DNAJB4: variants seen among roughly 807,000 people sequenced by gnomAD.
DNAJB4 encodes DnaJ heat shock protein family (Hsp40) member B4, also known as dnaJ homolog subfamily B member 4.
Under a neutral mutation model 26.6 loss-of-function variants are expected in DNAJB4, and 10 were observed. That is an observed-to-expected ratio of 0.38 (90% CI 0.23 to 0.64). The LOEUF is 0.64. DNAJB4 is among the 30% of genes least tolerant of loss of function. The probability of loss-of-function intolerance (pLI) is 0.58; values close to 1 mark genes in which losing one functional copy is unlikely to be tolerated. For synonymous variants in DNAJB4, 136 were observed against 134.8 expected (o/e 1.01, Z -0.06); for missense variants, 328 against 408.2 (o/e 0.80, Z 1.69).
At chr1:77,993,346 G>A (rs946454599) in intron 1 of DNAJB4, among the ~76,000 whole-genome samples, 5 of 151,288 alleles carry the variant, frequency 3.3e-5, no homozygotes, top group African/African-American at 9.7e-5. Flanking sequence ...ATCGAGTCTC[G>A]CTCTGTCACC....
chr1:77,992,780 A>G (rs920160824), intron 1 of DNAJB4: 1 of 152,106 alleles, frequency 6.6e-6, no homozygotes, highest in African/African-American at 2.4e-5. Context: ...GCTGGAATGC[A>G]ATGGTGCGAT....
intron 1 of DNAJB4, among the ~76,000 whole-genome samples, chr1:77,996,614 CAAAA>C (rs1177250404): frequency 6.6e-6 from 1 of 151,656 alleles, no homozygotes; most frequent in African/African-American, 2.4e-5. Flanking sequence ...GACCACTAGA[CAAAA>C]AAATTAAATG....
chr1:77,997,355 A>C lies in DNAJB4; in HGVS notation c.-31-7725A>C, dbSNP rs573329618. ...AAAATCTATATCTATATCTATATCT[A>C]TATATCTATATATATATTAGCAAGA... On this transcript the variant is annotated intron_variant, in intron 1 of 2. Transcript: ENST00000426517. Among the ~76,000 whole-genome samples the C allele has an allele frequency of 2.0e-5, 3 of 150,056 alleles. 1 individual carries two copies. Among genetic ancestry groups the C allele is most frequent in the African/African-American group, 7.4e-5 (3 of 40,326 alleles).
At chr1:78,004,557 A>C (rs946281805), upstream of DNAJB4, 1 of 152,306 alleles carries the variant, frequency 6.6e-6, no homozygotes, top group Non-Finnish European at 1.5e-5. Flanking sequence ...AAATCCCTAA[A>C]GTAGAATTGT....
chr1:78,013,814 ATAATT>A (rs903788286), intron 2 of DNAJB4, among the ~76,000 whole-genome samples, 195 bp downstream of exon 2: 54 of 152,238 alleles, frequency 3.5e-4, no homozygotes, highest in African/African-American at 1.3e-3. Flanking sequence ...TTAGTTACTT[ATAATT>A]AAAGTGTCAA....
upstream of DNAJB4, among the ~76,000 whole-genome samples, chr1:77,979,818 A>G (rs995681696): frequency 6.6e-6 from 1 of 152,156 alleles, no homozygotes; most frequent in African/African-American, 2.4e-5. Flanking sequence ...CTTAAAGTTC[A>G]GTGTTAGCCA....
At chr1:78,004,095 T>C (rs1315538587), upstream of DNAJB4, among the ~76,000 whole-genome samples, 1 of 152,202 alleles carries the variant, frequency 6.6e-6, no homozygotes, top group Non-Finnish European at 1.5e-5. Context: ...GTAAGGAACA[T>C]GAGTATGTAC....
chr1:78,001,132 C>T (rs1004534290), upstream of DNAJB4, among the ~76,000 whole-genome samples: 3 of 151,988 alleles, frequency 2.0e-5, no homozygotes, highest in African/African-American at 7.3e-5. Context: ...ATTGTTTGAG[C>T]TCAGGAGTTG....
chr1:77,995,457 G>A (rs1660038308), intron 1 of DNAJB4, among the ~76,000 whole-genome samples: 1 of 152,076 alleles, frequency 6.6e-6, no homozygotes, highest in African/African-American at 2.4e-5. Flanking sequence ...CTAATACAGT[G>A]TTTTTGGTTT....
Position 78,010,956 on chromosome 1 carries a change from A to G in DNAJB4, c.212-2095A>G, listed in dbSNP as rs562518141. Among the ~76,000 whole-genome samples, 4 of 152,320 alleles carry G rather than the reference A, an allele frequency of 2.6e-5. 1 individual carries two copies. The South Asian group carries it at 8.3e-4, about 32-fold the overall frequency. ...TCAGCCCTGTATGCATGAGCAGTGC[A>G]AAATAAATATATTTCCTGCCTTCAA... On this transcript the variant is annotated intron_variant, in intron 1 of 2. Transcript: ENST00000370763.
chr1:77,983,058 G>A (rs535160062), intron 1 of DNAJB4, among the ~76,000 whole-genome samples: 5 of 152,324 alleles, frequency 3.3e-5, no homozygotes, highest in Admixed American at 1.3e-4. Flanking sequence ...TTGATCATTC[G>A]TGGGTGTTTC....
At chr1:78,008,252 A>G (rs1660380982) in intron 1 of DNAJB4, among the ~76,000 whole-genome samples, 1 of 151,642 alleles carries the variant, frequency 6.6e-6, no homozygotes, top group Non-Finnish European at 1.5e-5. Context: ...GAATCTATAA[A>G]AGGGAAACAA....
intron 1 of DNAJB4, among the ~76,000 whole-genome samples, chr1:77,994,564 T>A (rs1332186458): frequency 6.9e-6 from 1 of 145,904 alleles, no homozygotes; most frequent in Non-Finnish European, 1.5e-5. Flanking sequence ...TTCTGTGTAC[T>A]CCTTAAACTA....
upstream of DNAJB4, chr1:77,980,152 G>A (rs1365990909): frequency 6.6e-6 from 1 of 152,198 alleles, no homozygotes; most frequent in African/African-American, 2.4e-5. Flanking sequence ...CAGAATGCTA[G>A]GATTATAGGC....
chr1:78,013,229 T>TC lies in DNAJB4; in HGVS notation c.392dup (p.Ser133Ter). ...CTGAAGAAATGGAAATAGATGGTGA[T>TC]CCTTTTAGTGCCTTTGGTTTCAGCA... On this transcript the variant is annotated frameshift_variant, in exon 2 of 3. Coordinates refer to ENST00000370763, the MANE Select transcript of DNAJB4 (RefSeq NM_007034.5). LOFTEE classifies it high-confidence loss of function. The TC allele has an allele frequency of 6.2e-7, 1 of 1,614,216 alleles. No individual in the cohort carries two copies. The highest frequency in any genetic ancestry group is 8.5e-7 in the Non-Finnish European group (1 of 1,180,034).
chr1:77,991,539 G>A (rs111295468), intron 1 of DNAJB4, among the ~76,000 whole-genome samples: 2,100 of 152,178 alleles, frequency 0.014, 44 homozygotes, highest in African/African-American at 0.048. Context: ...TTGAGGCCAG[G>A]AGTTCAAGAC....
At chr1:77,983,521 G>T (rs1353273048) in intron 1 of DNAJB4, among the ~76,000 whole-genome samples, 13 of 152,192 alleles carry the variant, frequency 8.5e-5, no homozygotes, top group Non-Finnish European at 1.5e-4. Flanking sequence ...GGCTTTCGTA[G>T]GCAGAGGTCC....
intron 2 of DNAJB4, among the ~76,000 whole-genome samples, chr1:78,015,454 T>C (rs948235425): frequency 6.6e-5 from 10 of 150,516 alleles, no homozygotes; most frequent in East Asian, 1.9e-4. Context: ...CTTCTTCTTT[T>C]TTTTTTTTTT....
intron 1 of DNAJB4, among the ~76,000 whole-genome samples, chr1:77,984,076 C>T (rs1659735552): frequency 6.6e-6 from 1 of 152,116 alleles, no homozygotes; most frequent in Non-Finnish European, 1.5e-5. Flanking sequence ...CAAACTGAAA[C>T]CTAATTCAAT....
Sources: allele counts gnomAD v4.1 joint callset (sites outside exome capture counted in the v4.1 genomes callset), GRCh38; gene constraint gnomAD v4.1.1; transcripts MANE v1.5; gene names NCBI Gene and HGNC (gene_info 2026-07-23, HGNC 2026-07-21).